Variants in JMJD1C observed in about 807,000 individuals in gnomAD.
The protein encoded by JMJD1C is jumonji domain-containing protein 1C.
In JMJD1C, 31 loss-of-function variants were observed where a neutral mutation model predicts 245.3. The ratio of observed to expected loss-of-function variants is 0.13; its 90% CI spans 0.09 to 0.17. JMJD1C has a LOEUF of 0.17. Among genes scored for constraint, JMJD1C ranks in the 10% least tolerant of loss-of-function variants. The pLI, the probability that JMJD1C is intolerant of heterozygous loss-of-function variation, is 1.00. For missense variants in JMJD1C, 2,691 were observed against 3,000.2 expected, an observed-to-expected ratio of 0.90 and a Z score of 2.41; for synonymous variants, 1,057 against 1,017.4, an observed-to-expected ratio of 1.04 and a Z score of -0.74.
chr10:63,479,577 CTCATT>C (rs1953767159), intron 1 of JMJD1C, among the ~76,000 whole-genome samples: 1 of 152,126 alleles, frequency 6.6e-6, no homozygotes, highest in Non-Finnish European at 1.5e-5. Flanking sequence ...CTCATTTAAT[CTCATT>C]TAAGTCATTT....
chr10:63,191,685 T>G (rs1192782565), intron 16 of JMJD1C, among the ~76,000 whole-genome samples: 1 of 151,854 alleles, frequency 6.6e-6, no homozygotes. Flanking sequence ...CAAAGACAGG[T>G]AGAAAATACA....
intron 25 of JMJD1C, 122 bp from the exon 26 acceptor site, chr10:63,168,256 GAA>G (rs1842026767): frequency 3.0e-6 from 3 of 1,008,448 alleles, no homozygotes; most frequent in South Asian, 3.1e-5. Flanking sequence ...AAAAATGTTT[GAA>G]AGTGTTAAGC....
At chr10:63,284,952 C>T (rs960904939) in intron 2 of JMJD1C, among the ~76,000 whole-genome samples, 7 of 151,992 alleles carry the variant, frequency 4.6e-5, no homozygotes, top group African/African-American at 1.7e-4. Context: ...CACACATACA[C>T]ACACAATTTA....
intron 2 of JMJD1C, among the ~76,000 whole-genome samples, chr10:63,308,193 A>G (rs1413907408): frequency 6.6e-6 from 1 of 152,100 alleles, no homozygotes; most frequent in Non-Finnish European, 1.5e-5. Flanking sequence ...CTGTATGCAT[A>G]CTAATATCTA....
chr10:63,376,162 C>A (rs1946723570), intron 2 of JMJD1C, among the ~76,000 whole-genome samples: 1 of 152,094 alleles, frequency 6.6e-6, no homozygotes, highest in Non-Finnish European at 1.5e-5. Context: ...TTTTCTGTAA[C>A]AGTGTCAAGA....
At chr10:63,501,045 G>A (rs1192728090) in intron 1 of JMJD1C, among the ~76,000 whole-genome samples, 2 of 151,804 alleles carry the variant, frequency 1.3e-5, no homozygotes, top group African/African-American at 4.8e-5. Context: ...ATGAGGACAC[G>A]AAGACATAAA....
chr10:63,256,605 G>C (rs528372053), intron 3 of JMJD1C, among the ~76,000 whole-genome samples: 12 of 152,156 alleles, frequency 7.9e-5, no homozygotes, highest in Non-Finnish European at 1.6e-4. Context: ...ACTTGAAATG[G>C]AATAAAGCCA....
At chr10:63,302,898 T>G (rs1435413447) in intron 2 of JMJD1C, among the ~76,000 whole-genome samples, 1 of 152,164 alleles carries the variant, frequency 6.6e-6, no homozygotes, top group Admixed American at 6.5e-5. Flanking sequence ...AAAGTTTACA[T>G]ACACATATAG....
At chr10:63,210,371 A>C (rs556632760) in intron 8 of JMJD1C, among the ~76,000 whole-genome samples, 1 of 152,238 alleles carries the variant, frequency 6.6e-6, no homozygotes, top group South Asian at 2.1e-4. Context: ...TGTTATTCAA[A>C]TTTACTCCTT....
chr10:63,495,754 CAA>C (rs34098324), intron 1 of JMJD1C, among the ~76,000 whole-genome samples: 43 of 135,698 alleles, frequency 3.2e-4, no homozygotes, highest in Admixed American at 4.3e-4. Context: ...ACTCCTAACT[CAA>C]AAAAAAAAAA....
intron 2 of JMJD1C, among the ~76,000 whole-genome samples, chr10:63,300,659 A>C (rs1234373238): frequency 1.3e-5 from 2 of 152,152 alleles, no homozygotes; most frequent in Non-Finnish European, 2.9e-5. Flanking sequence ...TGGGAGGCCA[A>C]GGCGGTAGAT....
intron 3 of JMJD1C, among the ~76,000 whole-genome samples, chr10:63,231,439 G>C (rs1405056787): frequency 6.6e-6 from 1 of 152,148 alleles, no homozygotes; most frequent in Non-Finnish European, 1.5e-5. Flanking sequence ...CAATGAGCAA[G>C]CCCGAGATCT....
intron 1 of JMJD1C, among the ~76,000 whole-genome samples, chr10:63,472,846 C>T (rs1312267952): frequency 1.3e-5 from 2 of 152,010 alleles, no homozygotes; most frequent in Non-Finnish European, 2.9e-5. Flanking sequence ...TGCAGTGGCG[C>T]GATCATAGGA....
chr10:63,407,115 G>A (rs1949216743), intron 1 of JMJD1C, among the ~76,000 whole-genome samples: 2 of 152,122 alleles, frequency 1.3e-5, no homozygotes, highest in African/African-American at 4.8e-5. Flanking sequence ...GGTAAAGTAG[G>A]GCTAACAGGA....
chr10:63,377,850 A>G (rs1307901780), intron 2 of JMJD1C, among the ~76,000 whole-genome samples: 2 of 151,900 alleles, frequency 1.3e-5, no homozygotes, highest in Non-Finnish European at 2.9e-5. Flanking sequence ...GTGAGCTGTG[A>G]TCACACCACT....
chr10:63,322,896 A>T (rs1363936371), intron 2 of JMJD1C, among the ~76,000 whole-genome samples: 1 of 151,132 alleles, frequency 6.6e-6, no homozygotes, highest in Non-Finnish European at 1.5e-5. Flanking sequence ...TGTTAATATT[A>T]ATGTAATTAA....
intron 1 of JMJD1C, among the ~76,000 whole-genome samples, chr10:63,418,279 C>T (rs1435848590): frequency 6.6e-6 from 1 of 152,156 alleles, no homozygotes; most frequent in African/African-American, 2.4e-5. Flanking sequence ...CTGGGGACCA[C>T]ACTTTAAAAA....
chr10:63,433,361 G>A (rs1259224381), intron 1 of JMJD1C, among the ~76,000 whole-genome samples: 1 of 152,100 alleles, frequency 6.6e-6, no homozygotes, highest in African/African-American at 2.4e-5. Context: ...CTCCCAAAGT[G>A]CTGGGATTAC....
At position 63,213,548 on chromosome 10, in the gene JMJD1C, G is replaced by A. The variant is rs777403509; in HGVS notation, c.2619C>T (p.Tyr873=). 5 of 1,613,238 alleles carry A rather than the reference G, an allele frequency of 3.1e-6. No homozygotes were observed. In the East Asian group the frequency reaches 1.1e-4, roughly 36 times the overall value. The part of the protein sequence containing the change: ...IWQYPNGTHA[Y]SGLGLPSSKW... ...TAGAAGAAGGCAAACCAAGTCCTGA[G>A]TATGCATGTGTTCCATTTGGATACT... Residue 873 remains tyrosine (Y), a synonymous_variant, in exon 8 of 26, where the codon TAC becomes TAT. Transcript: ENST00000399262.
Sources: allele counts gnomAD v4.1 joint callset (sites outside exome capture counted in the v4.1 genomes callset), GRCh38; gene constraint gnomAD v4.1.1; transcripts MANE v1.5; gene names NCBI Gene and HGNC (gene_info 2026-07-23, HGNC 2026-07-21).